The following FXYD2 variants were observed in gnomAD, a reference collection of about 807,000 sequenced individuals.
The protein encoded by FXYD2 is FXYD domain containing ion transport regulator 2.
Under a neutral mutation model 11.8 loss-of-function variants are expected in FXYD2, and 8 were observed. The ratio of observed to expected loss-of-function variants is 0.68; its 90% CI spans 0.40 to 1.22. The LOEUF (loss-of-function observed/expected upper bound fraction) is 1.22. Among genes scored for constraint, FXYD2 ranks in the 50% most tolerant of loss-of-function variants. The pLI is 0.01. For synonymous variants in FXYD2, 42 were observed against 33.3 expected, an observed-to-expected ratio of 1.26 and a Z score of -0.90; for missense variants, 92 against 91.8, an observed-to-expected ratio of 1.00 and a Z score of -0.01.
chr11:117,820,205 T>G lies in FXYD2; in HGVS notation c.*174A>C. The G allele has an allele frequency of 5.9e-6, 1 of 168,206 alleles. No homozygotes were observed. The highest frequency in any genetic ancestry group is 1.3e-5 in the Non-Finnish European group (1 of 78,698). The allele number at this position is 168,206 out of a possible 1,614,324, so 10.4% of individuals were successfully genotyped here. A position where few individuals can be genotyped will look rare whatever the true frequency, so the allele number is the denominator to read the frequency against. On this transcript the variant is annotated 3_prime_UTR_variant, in exon 6 of 6. Transcript: ENST00000292079. The stretch of plus-strand genomic sequence containing the variant: ...AGCATGAGGTGGCACGAGGCAGGAG[T>G]TGGCGATGCCACCTGGGGGTCACAT...
intron 4 of FXYD2, 38 bp downstream of exon 4, chr11:117,820,821 C>T: frequency 6.2e-7 from 1 of 1,613,638 alleles, no homozygotes; most frequent in Non-Finnish European, 8.5e-7. Flanking sequence ...CCTTCTCCAG[C>T]CCCAACCCCC....
At position 117,822,741 on chromosome 11, in the gene FXYD2, T is replaced by A. The variant is rs1387021949; in HGVS notation, c.26-24A>T. The A allele has an allele frequency of 1.9e-6, 3 of 1,605,496 alleles. No individual in the cohort carries two copies. ...GCCTAGGAGAGAGCCAGAGGTGGGA[T>A]GAGAGGAGTCACCGATGGTGAGCCA... On this transcript the variant is annotated intron_variant, in intron 1 of 5. Transcript: ENST00000292079. The surrounding 1 kb of genome is among the most constrained non-coding windows in gnomAD (Gnocchi z 4.7).
chr11:117,824,760 G>A, upstream of FXYD2: 1 of 1,580,228 alleles, frequency 6.3e-7, no homozygotes. The surrounding 1 kb of genome is among the most constrained non-coding windows in gnomAD (Gnocchi z 4.0). Flanking sequence ...CCTCCACGGG[G>A]TGGCCGGGGA....
rs1357732134 is a variant in FXYD2, at chr11:117,824,375, C to T, written c.25+279G>A. The T allele has an allele frequency of 1.6e-5, 9 of 572,894 alleles. No individual in the cohort carries two copies. The highest frequency in any genetic ancestry group is 9.0e-5 in the East Asian group (3 of 33,404). 35.5% of individuals were successfully genotyped at this position (572,894 alleles called of 1,614,324 possible). A position where few individuals can be genotyped will look rare whatever the true frequency, so the allele number is the denominator to read the frequency against. On this transcript the variant is annotated intron_variant, in intron 1 of 5. Coordinates refer to ENST00000292079, the MANE Select transcript of FXYD2 (RefSeq NM_001680.5). This position sits in a 1 kb window ranked among gnomAD's most constrained non-coding sequence, Gnocchi z 4.0. ...CTAGCAAGATGCATTGAACTCAGGG[C>T]GGGTGTGTGCCAGGAGGCCGAGGAG... is the stretch of plus-strand genomic sequence containing the variant.
chr11:117,821,639 G>A (rs2055907558), intron 3 of FXYD2: 1 of 985,792 alleles, frequency 1.0e-6, no homozygotes, highest in African/African-American at 1.7e-5. Flanking sequence ...AGCTGCCACG[G>A]GCAACATGTG....
In FXYD2 at chr11:117,824,621, C is replaced by T. The variant is rs1055577778; in HGVS notation, c.25+33G>A. The T allele has an allele frequency of 6.3e-6, 10 of 1,585,926 alleles. No individual in the cohort carries two copies. In the African/African-American group the frequency reaches 1.1e-4, roughly 17 times the overall value. ...GGCCAATCAGAGCCACCCAGCATTG[C>T]ACACGCCCGGGCACGCACACCAGCA... On this transcript the variant is annotated intron_variant, in intron 1 of 5. Coordinates refer to ENST00000292079, the MANE Select transcript of FXYD2 (RefSeq NM_001680.5). This position sits in a 1 kb window ranked among gnomAD's most constrained non-coding sequence, Gnocchi z 4.0.
At chr11:117,827,997 A>G, upstream of FXYD2, 1 of 1,547,224 alleles carries the variant, frequency 6.5e-7, no homozygotes, top group African/African-American at 1.4e-5. Flanking sequence ...GGACTCACCC[A>G]GGTACCACCT....
At chr11:117,825,495 C>T (rs1338762940), upstream of FXYD2, among the ~76,000 whole-genome samples, 4 of 152,148 alleles carry the variant, frequency 2.6e-5, no homozygotes, top group African/African-American at 4.8e-5. Context: ...AAACCCCCTG[C>T]GTTTATGGTT....
At chr11:117,821,141 C>G in intron 3 of FXYD2, 1 of 415,244 alleles carries the variant, frequency 2.4e-6, no homozygotes, top group Non-Finnish European at 3.8e-6. Context: ...ACTGCAGCCT[C>G]AAACTCCTGG....
At chr11:117,825,581 G>A (rs868248207), upstream of FXYD2, among the ~76,000 whole-genome samples, 9 of 152,164 alleles carry the variant, frequency 5.9e-5, no homozygotes, top group African/African-American at 2.2e-4. Context: ...AGGTGTCTAA[G>A]GCACAGAGAG....
upstream of FXYD2, among the ~76,000 whole-genome samples, chr11:117,827,266 T>G (rs1430376571): frequency 6.6e-6 from 1 of 152,208 alleles, no homozygotes; most frequent in Non-Finnish European, 1.5e-5. Flanking sequence ...TTCTTTTTTT[T>G]AAGACGGAGT....
chr11:117,820,791 A>G, intron 4 of FXYD2, 68 bp downstream of exon 4: 1 of 1,613,796 alleles, frequency 6.2e-7, no homozygotes, highest in Non-Finnish European at 8.5e-7. Context: ...TGTCAGAGAC[A>G]AAATCCTCAG....
Position 117,822,192 on chromosome 11 carries a change from C to T in FXYD2, c.139+214G>A. ...TCACTTCTGCGGCTCCTCCCGGGCC[C>T]ACTGGAGGGTGCACTTGAGCAAGCA... On this transcript the variant is annotated intron_variant, in intron 3 of 5. Coordinates refer to ENST00000292079, the MANE Select transcript of FXYD2 (RefSeq NM_001680.5). This position sits in a 1 kb window ranked among gnomAD's most constrained non-coding sequence, Gnocchi z 4.7. 5 of 1,452,854 alleles carry T rather than the reference C, an allele frequency of 3.4e-6. No individual in the cohort carries two copies. The highest frequency in any genetic ancestry group is 4.5e-6 in the Non-Finnish European group (5 of 1,101,550). 90.0% of individuals were successfully genotyped at this position (1,452,854 alleles called of 1,614,324 possible).
chr11:117,823,723 A>C (rs1239620043), intron 1 of FXYD2, among the ~76,000 whole-genome samples: 5 of 152,212 alleles, frequency 3.3e-5, no homozygotes, highest in African/African-American at 1.2e-4. Flanking sequence ...TTCTCGCACG[A>C]GGGAAGTGGA....
At chr11:117,823,414 T>C (rs1423903496) in intron 1 of FXYD2, among the ~76,000 whole-genome samples, 1 of 152,218 alleles carries the variant, frequency 6.6e-6, no homozygotes, top group African/African-American at 2.4e-5. Context: ...CCCACAGTTA[T>C]ACAGCAAGTC....
chr11:117,821,958 CTT>C (rs1255702310), intron 3 of FXYD2: 3 of 1,060,436 alleles, frequency 2.8e-6, no homozygotes, highest in Non-Finnish European at 3.4e-6. Context: ...ACATAACTCT[CTT>C]TGTCTCCCCC....
At position 117,824,641 on chromosome 11, in the gene FXYD2, C is replaced by T. The variant is rs1352398196; in HGVS notation, c.25+13G>A. On this transcript the variant is annotated intron_variant, in intron 1 of 5. Coordinates refer to ENST00000292079, the MANE Select transcript of FXYD2 (RefSeq NM_001680.5). This position sits in a 1 kb window ranked among gnomAD's most constrained non-coding sequence, Gnocchi z 4.0. ...CATTGCACACGCCCGGGCACGCACA[C>T]CAGCACACTCACCACCGTCCATCGA... is the stretch of plus-strand genomic sequence containing the variant. The T allele has an allele frequency of 6.2e-7, 1 of 1,612,426 alleles. No individual in the cohort carries two copies. The highest frequency in any genetic ancestry group is 2.2e-5 in the East Asian group (1 of 44,862).
intron 3 of FXYD2, chr11:117,821,822 C>T (rs1412489340): frequency 1.0e-6 from 1 of 994,252 alleles, no homozygotes; most frequent in Non-Finnish European, 1.2e-6. Flanking sequence ...CCAGAGCCCA[C>T]AGGTGTGCTT....
upstream of FXYD2, among the ~76,000 whole-genome samples, chr11:117,826,634 G>A (rs899450698): frequency 6.6e-6 from 1 of 152,166 alleles, no homozygotes; most frequent in African/African-American, 2.4e-5. Flanking sequence ...AGACAAGGGT[G>A]CTCCCTTTAT....
Sources: allele counts gnomAD v4.1 joint callset (sites outside exome capture counted in the v4.1 genomes callset), GRCh38; gene constraint gnomAD v4.1.1; non-coding constraint Gnocchi (gnomAD v3.1); transcripts MANE v1.5; gene names NCBI Gene and HGNC (gene_info 2026-07-23, HGNC 2026-07-21).